Variants in MYT1L observed in about 807,000 individuals in gnomAD.
MYT1L encodes myelin transcription factor 1 like.
A neutral mutation model predicts 126.7 loss-of-function variants in MYT1L; 12 were observed. The ratio of observed to expected loss-of-function variants is 0.09; its 90% CI spans 0.06 to 0.15. The LOEUF (loss-of-function observed/expected upper bound fraction) is 0.15. Ranked by LOEUF, MYT1L falls within the 10% of genes least tolerant of loss-of-function variation. The pLI is 1.00. For missense variants in MYT1L, 979 were observed against 1,585.2 expected (o/e 0.62, Z 6.49); for synonymous variants, 541 against 604.2 (o/e 0.90, Z 1.53).
intron 14 of MYT1L, among the ~76,000 whole-genome samples, chr2:1,897,739 A>C (rs917249554): frequency 2.0e-5 from 3 of 152,202 alleles, no homozygotes; most frequent in African/African-American, 7.2e-5. Context: ...CTGGGATTAC[A>C]GGCATAAGCC....
At chr2:1,824,469 TGAGCACA>T (rs1216536058) in intron 21 of MYT1L, 2 of 152,410 alleles carry the variant, frequency 1.3e-5, no homozygotes, top group Non-Finnish European at 2.9e-5. Context: ...CAGAGAAGGC[TGAGCACA>T]GGGAGGAGAG....
At chr2:2,298,039 CT>C (rs2095722794) in intron 1 of MYT1L, among the ~76,000 whole-genome samples, 1 of 152,222 alleles carries the variant, frequency 6.6e-6, no homozygotes, top group Non-Finnish European at 1.5e-5. Context: ...ACAAAATACC[CT>C]TAACTTGCTC....
At chr2:2,212,934 G>A (rs1386186109) in intron 2 of MYT1L, among the ~76,000 whole-genome samples, 2 of 152,124 alleles carry the variant, frequency 1.3e-5, no homozygotes, top group Non-Finnish European at 2.9e-5. Flanking sequence ...ACAGCAAGCT[G>A]GCCATCTGTC....
chr2:2,185,906 G>GAGTTC (rs2092104195), intron 2 of MYT1L, among the ~76,000 whole-genome samples: 4 of 117,808 alleles, frequency 3.4e-5, no homozygotes, highest in African/African-American at 1.6e-4. Flanking sequence ...CGGGCCTTCC[G>GAGTTC]GGCCTTCCCA....
At chr2:2,005,404 CGTT>C (rs2063159595) in intron 4 of MYT1L, among the ~76,000 whole-genome samples, 1 of 144,328 alleles carries the variant, frequency 6.9e-6, no homozygotes, top group Non-Finnish European at 1.5e-5. Context: ...TTCCTGCGTG[CGTT>C]CTTTCCTCAT....
At chr2:2,212,214 T>C (rs1286272961) in intron 2 of MYT1L, among the ~76,000 whole-genome samples, 1 of 151,992 alleles carries the variant, frequency 6.6e-6, no homozygotes, top group Non-Finnish European at 1.5e-5. Flanking sequence ...TTGAATCCCC[T>C]GAAATATGGG....
In MYT1L at chr2:2,220,752, G is replaced by A. The variant is rs577175826; in HGVS notation, c.-420-47764C>T. Reference sequence around the variant, plus strand: ...AGAGTCAGTTTGGAAAGCAAGTCACGATATATATATATATGGTTAAATAAA... The same window carrying A: ...AGAGTCAGTTTGGAAAGCAAGTCACAATATATATATATATGGTTAAATAAA... On this transcript the variant is annotated intron_variant, in intron 2 of 24. Coordinates refer to ENST00000647738, the MANE Select transcript of MYT1L (RefSeq NM_001303052.2). 1.9e-4 allele frequency among the ~76,000 whole-genome samples: 28 copies of A among 150,544 alleles called. No individual in the cohort carries two copies. In the South Asian group the frequency reaches 4.6e-3, roughly 25 times the overall value.
chr2:2,005,004 ATGCCTTCTTTCCTGCG>A (rs1326987645), intron 4 of MYT1L, among the ~76,000 whole-genome samples: 21 of 117,388 alleles, frequency 1.8e-4, no homozygotes, highest in African/African-American at 5.7e-4. Context: ...TCTTTCCTGC[ATGCCTTCTTTCCTGCG>A]TGCCTTCTTT....
intron 1 of MYT1L, among the ~76,000 whole-genome samples, chr2:2,319,702 G>A (rs1022733000): frequency 2.0e-5 from 3 of 151,622 alleles, no homozygotes; most frequent in African/African-American, 7.3e-5. Flanking sequence ...ATTTCAAAAT[G>A]CATTCAAGAA....
At chr2:2,307,705 C>T (rs1383189702) in intron 1 of MYT1L, among the ~76,000 whole-genome samples, 1 of 151,882 alleles carries the variant, frequency 6.6e-6, no homozygotes, top group Non-Finnish European at 1.5e-5. Context: ...TATACTCCAC[C>T]CATGTTTCAG....
intron 2 of MYT1L, among the ~76,000 whole-genome samples, chr2:2,277,309 T>C (rs1159652450): frequency 1.3e-5 from 2 of 152,230 alleles, no homozygotes; most frequent in African/African-American, 4.8e-5. Context: ...CCATCTTTAC[T>C]CATCTTTTCA....
At chr2:2,301,942 T>C (rs1018755435) in intron 1 of MYT1L, among the ~76,000 whole-genome samples, 1 of 152,112 alleles carries the variant, frequency 6.6e-6, no homozygotes, top group African/African-American at 2.4e-5. Context: ...TTTAGCTGTA[T>C]ATTATGTGTC....
At chr2:2,210,675 T>C (rs1005932713) in intron 2 of MYT1L, among the ~76,000 whole-genome samples, 2 of 152,188 alleles carry the variant, frequency 1.3e-5, no homozygotes, top group African/African-American at 4.8e-5. Flanking sequence ...TCCTCCAGTT[T>C]TGTTCTTTTT....
At chr2:2,019,836 C>T (rs994619906) in intron 4 of MYT1L, among the ~76,000 whole-genome samples, 2 of 151,844 alleles carry the variant, frequency 1.3e-5, no homozygotes, top group African/African-American at 4.8e-5. Flanking sequence ...ATAACATTTA[C>T]ATGCCAGTGT....
intron 1 of MYT1L, among the ~76,000 whole-genome samples, chr2:2,310,811 A>T (rs1215751232): frequency 6.6e-6 from 1 of 152,088 alleles, no homozygotes; most frequent in African/African-American, 2.4e-5. Context: ...GGCGGTTGTG[A>T]CTCACTTTCT....
At chr2:1,892,674 C>G (rs1411185956) in intron 14 of MYT1L, among the ~76,000 whole-genome samples, 2 of 152,080 alleles carry the variant, frequency 1.3e-5, no homozygotes, top group Non-Finnish European at 2.9e-5. Context: ...CCAGCCCAGT[C>G]AAATCCCAGT....
chr2:1,831,732 T>C (rs1401176536), intron 21 of MYT1L, among the ~76,000 whole-genome samples: 1 of 152,158 alleles, frequency 6.6e-6, no homozygotes, highest in Non-Finnish European at 1.5e-5. Context: ...CTTCTGCACA[T>C]CATGGCGCCT....
At chr2:2,296,735 G>A (rs1415091885) in intron 1 of MYT1L, among the ~76,000 whole-genome samples, 2 of 152,158 alleles carry the variant, frequency 1.3e-5, no homozygotes, top group South Asian at 2.1e-4. Context: ...AGGGCACCAT[G>A]CGTCCCTCTA....
intron 3 of MYT1L, among the ~76,000 whole-genome samples, chr2:2,081,962 C>T (rs1382843235): frequency 4.6e-5 from 7 of 152,054 alleles, no homozygotes; most frequent in Non-Finnish European, 7.4e-5. Flanking sequence ...AGGCTGGTCT[C>T]GAACTCCTGA....
Sources: allele counts gnomAD v4.1 joint callset (sites outside exome capture counted in the v4.1 genomes callset), GRCh38; gene constraint gnomAD v4.1.1; transcripts MANE v1.5; gene names NCBI Gene and HGNC (gene_info 2026-07-23, HGNC 2026-07-21).